GPHN: variants seen among roughly 807,000 people sequenced by gnomAD.
The protein encoded by GPHN is gephyrin.
Under a neutral mutation model 95.5 loss-of-function variants are expected in GPHN, and 17 were observed. That is an observed-to-expected ratio of 0.18 (90% CI 0.12 to 0.27). GPHN has a LOEUF of 0.27. Among genes scored for constraint, GPHN ranks in the 10% least tolerant of loss-of-function variants. The probability of loss-of-function intolerance (pLI) is 1.00; values close to 1 mark genes in which losing one functional copy is unlikely to be tolerated. For missense variants in GPHN, 660 were observed against 978.1 expected, an observed-to-expected ratio of 0.67 and a Z score of 4.34; for synonymous variants, 320 against 322.5, an observed-to-expected ratio of 0.99 and a Z score of 0.08.
intron 11 of GPHN, among the ~76,000 whole-genome samples, chr14:67,070,600 G>A (rs994537275): frequency 6.8e-6 from 1 of 146,576 alleles, no homozygotes; most frequent in Non-Finnish European, 1.5e-5. Flanking sequence ...GGAGGCTGAG[G>A]CAGAAGAATT....
In GPHN at chr14:66,967,690, G is replaced by C. The variant is rs563983443; in HGVS notation, c.963+2365G>C. The stretch of plus-strand genomic sequence containing the variant: ...GATGCTCAACATGTAAAATAAACAG[G>C]TAGATAATAACTTTAATAATTATAA... On this transcript the variant is annotated intron_variant, in intron 9 of 22. Coordinates refer to ENST00000478722, the MANE Select transcript of GPHN (RefSeq NM_020806.5). Among the ~76,000 whole-genome samples the C allele has an allele frequency of 7.2e-5, 11 of 151,738 alleles. No individual in the cohort carries two copies. The South Asian group carries it at 2.3e-3, about 32-fold the overall frequency.
the GPHN span, chr14:67,384,344 G>C: frequency 6.7e-6 from 1 of 150,108 alleles, no homozygotes; most frequent in African/African-American, 2.5e-5. Flanking sequence ...ACAAAACAGG[G>C]ATCTGTTTGA....
At chr14:67,127,149 T>C (rs1184874823) in intron 17 of GPHN, among the ~76,000 whole-genome samples, 1 of 150,836 alleles carries the variant, frequency 6.6e-6, no homozygotes, top group Non-Finnish European at 1.5e-5. Flanking sequence ...ATATACCTAA[T>C]GCTAGAAGAC....
At chr14:67,283,739 A>C in the GPHN span, among the ~76,000 whole-genome samples, 2 of 152,218 alleles carry the variant, frequency 1.3e-5, no homozygotes, top group Admixed American at 6.5e-5. Context: ...AATTCATTAG[A>C]GTATATGTAT....
chr14:67,275,651 G>A, the GPHN span, among the ~76,000 whole-genome samples: 14 of 152,130 alleles, frequency 9.2e-5, no homozygotes, highest in Non-Finnish European at 1.6e-4. Context: ...GAGTTAGGGA[G>A]GATTGCCTCT....
the GPHN span, among the ~76,000 whole-genome samples, chr14:67,344,694 C>T: frequency 5.9e-5 from 9 of 151,672 alleles, no homozygotes; most frequent in East Asian, 5.8e-4. Flanking sequence ...GCCTGGGCAA[C>T]GTAGCAAGAC....
At chr14:67,210,778 C>T in the GPHN span, among the ~76,000 whole-genome samples, 1 of 151,690 alleles carries the variant, frequency 6.6e-6, no homozygotes, top group South Asian at 2.1e-4. Context: ...TTAGGGAGGC[C>T]GAGGGATGCA....
chr14:67,146,761 C>T (rs775451656), intron 18 of GPHN, among the ~76,000 whole-genome samples: 3 of 152,202 alleles, frequency 2.0e-5, no homozygotes, highest in African/African-American at 7.2e-5. Flanking sequence ...TGGCTGGGCA[C>T]GTTGGCTCAT....
At chr14:66,954,496 T>A (rs528306558) in intron 8 of GPHN, among the ~76,000 whole-genome samples, 1 of 152,342 alleles carries the variant, frequency 6.6e-6, no homozygotes, top group African/African-American at 2.4e-5. Context: ...ACAACTTCGC[T>A]AAATTTGTTT....
At chr14:66,898,644 TAA>T (rs1373042654) in intron 5 of GPHN, among the ~76,000 whole-genome samples, 1 of 151,922 alleles carries the variant, frequency 6.6e-6, no homozygotes, top group East Asian at 1.9e-4. Flanking sequence ...AGCTAAACAA[TAA>T]GTCTTGAAAT....
the GPHN span, chr14:67,338,798 C>T: frequency 1.8e-5 from 28 of 1,568,764 alleles, no homozygotes; most frequent in Admixed American, 4.9e-4. Context: ...TTTTTAAACA[C>T]TGTTTCAATA....
chr14:67,373,883 A>C, the GPHN span, among the ~76,000 whole-genome samples: 1 of 143,522 alleles, frequency 7.0e-6, no homozygotes, highest in East Asian at 2.0e-4. Context: ...GTCTTCTGTG[A>C]CGATAGCCTC....
At chr14:67,054,755 T>C (rs575665994) in intron 10 of GPHN, among the ~76,000 whole-genome samples, 4 of 152,220 alleles carry the variant, frequency 2.6e-5, no homozygotes, top group African/African-American at 9.6e-5. Context: ...AACAGACACA[T>C]AGACCAGTGG....
At chr14:66,743,680 T>TG (rs2072999471) in intron 2 of GPHN, among the ~76,000 whole-genome samples, 1 of 152,150 alleles carries the variant, frequency 6.6e-6, no homozygotes, top group Admixed American at 6.5e-5. Context: ...AGGCGGTGCT[T>TG]GCAGTGAGCG....
At chr14:67,129,288 G>A (rs1177759397) in intron 17 of GPHN, among the ~76,000 whole-genome samples, 2 of 152,124 alleles carry the variant, frequency 1.3e-5, no homozygotes, top group Non-Finnish European at 2.9e-5. Context: ...GGACAAAAGA[G>A]GCAAGCAGCT....
chr14:67,674,345 T>G, the GPHN span: 1 of 1,551,878 alleles, frequency 6.4e-7, no homozygotes, highest in Non-Finnish European at 8.7e-7. Flanking sequence ...AGGGCTGCGC[T>G]CCCCACGGCG....
chr14:67,539,179 G>A, the GPHN span, among the ~76,000 whole-genome samples: 1 of 152,288 alleles, frequency 6.6e-6, no homozygotes, highest in East Asian at 1.9e-4. Context: ...AAAGGACAAG[G>A]AAAAATCAAA....
the GPHN span, among the ~76,000 whole-genome samples, chr14:67,194,715 C>T: frequency 6.6e-6 from 1 of 152,134 alleles, no homozygotes; most frequent in Non-Finnish European, 1.5e-5. Flanking sequence ...GTTGGTCAGG[C>T]TGGTCTCGAA....
chr14:67,048,428 G>A (rs1333416848), intron 10 of GPHN, among the ~76,000 whole-genome samples: 1 of 152,180 alleles, frequency 6.6e-6, no homozygotes, highest in Non-Finnish European at 1.5e-5. Flanking sequence ...GGAACTGTAG[G>A]CTCATTAGAG....
Sources: allele counts gnomAD v4.1 joint callset (sites outside exome capture counted in the v4.1 genomes callset), GRCh38; gene constraint gnomAD v4.1.1; transcripts MANE v1.5; gene names NCBI Gene and HGNC (gene_info 2026-07-23, HGNC 2026-07-21).